HVCN1: variants seen among roughly 807,000 people sequenced by gnomAD.
HVCN1 encodes hydrogen voltage gated channel 1.
Under a neutral mutation model 29.2 loss-of-function variants are expected in HVCN1, and 14 were observed. The observed-to-expected ratio is 0.48, with a 90% confidence interval of 0.32 to 0.75. The LOEUF (loss-of-function observed/expected upper bound fraction) is 0.75. Ranked by LOEUF, HVCN1 falls within the 30% of genes least tolerant of loss-of-function variation. The pLI, the probability that HVCN1 is intolerant of heterozygous loss-of-function variation, is 0.04. For synonymous variants in HVCN1, 131 were observed against 133.2 expected, an observed-to-expected ratio of 0.98 and a Z score of 0.11; for missense variants, 263 against 341.8, an observed-to-expected ratio of 0.77 and a Z score of 1.82.
intron 3 of HVCN1, among the ~76,000 whole-genome samples, chr12:110,680,249 ACAGGCTCCAGGCTC>A (rs1334041477): frequency 5.9e-5 from 9 of 152,104 alleles, no homozygotes; most frequent in Non-Finnish European, 1.2e-4. Flanking sequence ...GTGATGACAA[ACAGGCTCCAGGCTC>A]CAGGTTCCAG....
intron 4 of HVCN1, among the ~76,000 whole-genome samples, chr12:110,657,630 C>T (rs1258119146): frequency 6.6e-6 from 1 of 151,916 alleles, no homozygotes; most frequent in Non-Finnish European, 1.5e-5. Flanking sequence ...TGAATCTCAC[C>T]TCAATTTAAA....
At chr12:110,671,003 C>A (rs1276616464) in intron 3 of HVCN1, among the ~76,000 whole-genome samples, 1 of 152,124 alleles carries the variant, frequency 6.6e-6, no homozygotes, top group Non-Finnish European at 1.5e-5. Flanking sequence ...ACTAGCATGG[C>A]CAACATGGCA....
chr12:110,670,413 C>A (rs1362733795), intron 3 of HVCN1, among the ~76,000 whole-genome samples: 1 of 152,196 alleles, frequency 6.6e-6, no homozygotes. Flanking sequence ...TATTAACCAC[C>A]CTCACCCCAA....
chr12:110,660,943 C>T (rs540712947), intron 4 of HVCN1, among the ~76,000 whole-genome samples: 1 of 152,330 alleles, frequency 6.6e-6, no homozygotes, highest in South Asian at 2.1e-4. Context: ...CATTGGTGGA[C>T]CTTTTGCTTT....
At chr12:110,671,138 C>T (rs2068560954) in intron 3 of HVCN1, among the ~76,000 whole-genome samples, 1 of 152,058 alleles carries the variant, frequency 6.6e-6, no homozygotes, top group Non-Finnish European at 1.5e-5. Context: ...ACCAGCCTGC[C>T]CAACACATTG....
intron 2 of HVCN1, chr12:110,702,240 C>T (rs1050751041): frequency 6.6e-6 from 1 of 152,130 alleles, no homozygotes; most frequent in South Asian, 2.1e-4. Flanking sequence ...GCGGCTCCCC[C>T]ACCCCTTCTG....
chr12:110,665,223 GA>G (rs2068303535), intron 3 of HVCN1, among the ~76,000 whole-genome samples: 1 of 150,880 alleles, frequency 6.6e-6, no homozygotes, highest in African/African-American at 2.5e-5. Flanking sequence ...ACATAAAGCT[GA>G]AAAATGTGGC....
Position 110,650,175 on chromosome 12 carries a change from G to T in HVCN1, c.749C>A (p.Ser250Tyr). ...AKIQHLEFSC[S>Y]EKEQEIERLN... ...ATGTGTCGTCTTTCTTACCTTCTCA[G>T]AGCAGCTGAACTCAAGGTGTTGAAT... The change falls in exon 7 of 8, where the codon TCT becomes TAT. Residue 250 changes from serine to tyrosine, a missense_variant. By Grantham distance (144) the Ser-to-Tyr change is moderately radical (BLOSUM62 -2). Transcript: ENST00000242607. The T allele has an allele frequency of 6.2e-7, 1 of 1,606,574 alleles. No individual in the cohort carries two copies. Among genetic ancestry groups the T allele is most frequent in the South Asian group, 1.1e-5 (1 of 90,916 alleles).
intron 3 of HVCN1, among the ~76,000 whole-genome samples, chr12:110,673,705 G>C (rs1438378266): frequency 6.6e-6 from 1 of 152,190 alleles, no homozygotes; most frequent in Non-Finnish European, 1.5e-5. Context: ...GGCTTCAGAG[G>C]GTGGAAGCCC....
intron 7 of HVCN1, 83 bp from the exon 8 acceptor site, chr12:110,649,558 C>A (rs1566022619): frequency 2.1e-6 from 2 of 946,110 alleles, no homozygotes; most frequent in East Asian, 5.2e-5. Context: ...GAGCCCCAGG[C>A]ACAGGACCAC....
intron 4 of HVCN1, among the ~76,000 whole-genome samples, chr12:110,659,446 A>G (rs554097017): frequency 6.6e-6 from 1 of 152,334 alleles, no homozygotes; most frequent in Non-Finnish European, 1.5e-5. Flanking sequence ...CTGCAATAGC[A>G]TCCCCTAAAT....
chr12:110,701,650 A>G (rs1398292055), intron 2 of HVCN1, among the ~76,000 whole-genome samples: 2 of 152,130 alleles, frequency 1.3e-5, no homozygotes, highest in African/African-American at 4.8e-5. Flanking sequence ...TGGGGTCAGG[A>G]GTTCAAGACC....
chr12:110,675,288 G>A (rs1015848183), intron 3 of HVCN1, among the ~76,000 whole-genome samples: 5 of 151,976 alleles, frequency 3.3e-5, no homozygotes, highest in African/African-American at 4.8e-5. Context: ...GGGAAACCCC[G>A]TCTCTACTAA....
chr12:110,694,776 T>C (rs1165004898), upstream of HVCN1, among the ~76,000 whole-genome samples: 1 of 152,226 alleles, frequency 6.6e-6, no homozygotes, highest in Non-Finnish European at 1.5e-5. The surrounding 1 kb of genome is among the most constrained non-coding windows in gnomAD (Gnocchi z 4.6). Flanking sequence ...TGGGCACCGA[T>C]GCCTGATGAC....
chr12:110,653,578 T>C (rs1193557380), intron 5 of HVCN1, among the ~76,000 whole-genome samples: 1 of 151,404 alleles, frequency 6.6e-6, no homozygotes, highest in East Asian at 2.0e-4. Flanking sequence ...ACGGTGGCTC[T>C]TGCCTGTAAT....
rs760596387 is a variant in HVCN1, at chr12:110,661,304, G to GCTC, written c.163_165dup (p.Glu55dup). On this transcript the variant is annotated inframe_insertion, in exon 4 of 8. Coordinates refer to ENST00000242607, the MANE Select transcript of HVCN1 (RefSeq NM_032369.4). The surrounding 1 kb of genome is among the most constrained non-coding windows in gnomAD (Gnocchi z 6.2). ...CCTGAGACTGGTGTGGGTGGTGGCT[G>GCTC]CTCCTCCTCCTCCTCCTCCTCTTCA... is the stretch of plus-strand genomic sequence containing the variant. 89 of 1,612,934 alleles carry GCTC rather than the reference G, an allele frequency of 5.5e-5. No individual in the cohort carries two copies. Among genetic ancestry groups the GCTC allele is most frequent in the Middle Eastern group, 1.6e-4 (1 of 6,082 alleles).
chr12:110,658,912 G>C lies in HVCN1; in HGVS notation c.306+2252C>G, dbSNP rs985732469. On this transcript the variant is annotated intron_variant, in intron 4 of 7. Coordinates refer to ENST00000242607, the MANE Select transcript of HVCN1 (RefSeq NM_032369.4). The surrounding 1 kb of genome is among the most constrained non-coding windows in gnomAD (Gnocchi z 5.0). ...CCAGCAGGAGTATCTGGGTGTCCCA[G>C]CTCAGGGGCCAGTCCCCAGCCCTAA... 6.6e-6 allele frequency among the ~76,000 whole-genome samples: 1 copy of C among 152,240 alleles called. No homozygotes were observed. Among genetic ancestry groups the C allele is most frequent in the Non-Finnish European group, 1.5e-5 (1 of 68,040 alleles).
chr12:110,703,207 C>CAAAAAA (rs758737358), intron 1 of HVCN1, among the ~76,000 whole-genome samples: 3 of 98,776 alleles, frequency 3.0e-5, no homozygotes, highest in Non-Finnish European at 4.0e-5. Flanking sequence ...ATGTCTCTAC[C>CAAAAAA]AAAAAAAAAA....
At chr12:110,685,096 A>G (rs752318185) in intron 2 of HVCN1, among the ~76,000 whole-genome samples, 3 of 152,246 alleles carry the variant, frequency 2.0e-5, no homozygotes, top group Non-Finnish European at 4.4e-5. Context: ...GATTTTGCAG[A>G]CATGATTAAG....
Sources: allele counts gnomAD v4.1 joint callset (sites outside exome capture counted in the v4.1 genomes callset), GRCh38; gene constraint gnomAD v4.1.1; non-coding constraint Gnocchi (gnomAD v3.1); transcripts MANE v1.5; gene names NCBI Gene and HGNC (gene_info 2026-07-23, HGNC 2026-07-21).